Variants in HHIPL1 observed in about 807,000 individuals in gnomAD.
The protein encoded by HHIPL1 is HHIP like 1.
In HHIPL1, 43 loss-of-function variants were observed where a neutral mutation model predicts 61.8. That is an observed-to-expected ratio of 0.70 (90% CI 0.55 to 0.90). The LOEUF is 0.90. Ranked by LOEUF, HHIPL1 falls within the 40% of genes least tolerant of loss-of-function variation. The pLI, the probability that HHIPL1 is intolerant of heterozygous loss-of-function variation, is 0.00. For missense variants in HHIPL1, 1,056 were observed against 1,157.7 expected (o/e 0.91, Z 1.28); for synonymous variants, 482 against 515.8 (o/e 0.93, Z 0.89).
At chr14:99,644,086 A>C (rs1489965481), upstream of HHIPL1, among the ~76,000 whole-genome samples, 5 of 152,108 alleles carry the variant, frequency 3.3e-5, no homozygotes, top group Admixed American at 1.3e-4. Flanking sequence ...CTTACACTGC[A>C]CCTGTTCAGG....
chr14:99,619,331 G>A, the HHIPL1 span, among the ~76,000 whole-genome samples: 13 of 151,632 alleles, frequency 8.6e-5, no homozygotes, highest in South Asian at 8.4e-4. Flanking sequence ...GTGTGGTGGC[G>A]GGCACCTGTA....
Position 99,678,589 on chromosome 14 carries a change from T to C in HHIPL1, c.*2963T>C, listed in dbSNP as rs938482581. 1 of 152,220 alleles carries C rather than the reference T, an allele frequency of 6.6e-6. No homozygotes were observed. Among genetic ancestry groups the C allele is most frequent in the Non-Finnish European group, 1.5e-5 (1 of 68,040 alleles). The allele number at this position is 152,220 out of a possible 1,614,324, so 9.4% of individuals were successfully genotyped here. A position where few individuals can be genotyped will look rare whatever the true frequency, so the allele number is the denominator to read the frequency against. On this transcript the variant is annotated 3_prime_UTR_variant, in exon 9 of 9. Coordinates refer to ENST00000330710, the MANE Select transcript of HHIPL1 (RefSeq NM_001127258.3). The stretch of plus-strand genomic sequence containing the variant: ...AACCCGATTGGCTGTTTAAAATTTT[T>C]CTAAATAGGTAAAAGTAATGGAAGG...
At chr14:99,623,213 A>T in the HHIPL1 span, among the ~76,000 whole-genome samples, 1 of 152,162 alleles carries the variant, frequency 6.6e-6, no homozygotes, top group Non-Finnish European at 1.5e-5. Context: ...GTGTGATTTA[A>T]TAGGGGTGTA....
At chr14:99,647,741 G>A (rs9788497) in intron 1 of HHIPL1, among the ~76,000 whole-genome samples, 31,568 of 152,082 alleles carry the variant, frequency 0.21, 3,655 homozygotes, top group East Asian at 0.35. Flanking sequence ...ATTTCCACAC[G>A]GGGAGGTGGT....
Position 99,675,069 on chromosome 14 carries a change from G to A in HHIPL1, c.1814-22G>A. The A allele has an allele frequency of 2.6e-6, 3 of 1,136,028 alleles. No homozygotes were observed. Among genetic ancestry groups the A allele is most frequent in the Non-Finnish European group, 2.2e-6 (2 of 914,440 alleles). 70.4% of individuals were successfully genotyped at this position (1,136,028 alleles called of 1,614,324 possible). A position where few individuals can be genotyped will look rare whatever the true frequency, so the allele number is the denominator to read the frequency against. ...ACAGGGGCGCCTGGGTCCCTCTGAC[G>A]GCATACTCTTCCTCTGCGCAGAGTT... On this transcript the variant is annotated intron_variant, in intron 8 of 8. Coordinates refer to ENST00000330710, the MANE Select transcript of HHIPL1 (RefSeq NM_001127258.3). This position sits in a 1 kb window ranked among gnomAD's most constrained non-coding sequence, Gnocchi z 5.4.
At chr14:99,662,400 C>T (rs187146426) in intron 5 of HHIPL1, among the ~76,000 whole-genome samples, 1 of 152,200 alleles carries the variant, frequency 6.6e-6, no homozygotes, top group Non-Finnish European at 1.5e-5. Flanking sequence ...TTGGCAGGTT[C>T]TGAAACCAGT....
At chr14:99,617,651 T>G in the HHIPL1 span, among the ~76,000 whole-genome samples, 1 of 152,152 alleles carries the variant, frequency 6.6e-6, no homozygotes. Context: ...TAAATAGTGA[T>G]AAAACCTAGC....
chr14:99,630,513 A>G, the HHIPL1 span, among the ~76,000 whole-genome samples: 1 of 152,128 alleles, frequency 6.6e-6, no homozygotes, highest in African/African-American at 2.4e-5. Flanking sequence ...CATCTATAAG[A>G]TGGGGGTTAA....
At chr14:99,626,267 G>GGT in the HHIPL1 span, among the ~76,000 whole-genome samples, 90 of 147,574 alleles carry the variant, frequency 6.1e-4, no homozygotes, top group African/African-American at 2.2e-3. Flanking sequence ...GGTGTAGCGG[G>GGT]GTGTGTGTGT....
intron 2 of HHIPL1, among the ~76,000 whole-genome samples, chr14:99,655,481 G>A (rs894672384): frequency 1.3e-5 from 2 of 152,002 alleles, no homozygotes; most frequent in Non-Finnish European, 2.9e-5. Context: ...AAAATTGGCC[G>A]GGCATGGTGG....
chr14:99,645,124 C>A, upstream of HHIPL1: 2 of 1,195,146 alleles, frequency 1.7e-6, no homozygotes, highest in Non-Finnish European at 2.1e-6. Context: ...AAGGGGAGCG[C>A]CCGCCCCTTC....
chr14:99,667,383 C>T (rs1326209704), intron 6 of HHIPL1, among the ~76,000 whole-genome samples: 2 of 151,930 alleles, frequency 1.3e-5, no homozygotes, highest in East Asian at 1.9e-4. Context: ...TCATAGGTGC[C>T]CCTGGCAGCA....
the HHIPL1 span, among the ~76,000 whole-genome samples, chr14:99,634,960 G>A: frequency 3.3e-5 from 5 of 152,182 alleles, no homozygotes; most frequent in East Asian, 1.9e-4. Context: ...CACCCACGCC[G>A]CCTGTCAGCA....
At chr14:99,623,611 G>A in the HHIPL1 span, among the ~76,000 whole-genome samples, 48 of 152,200 alleles carry the variant, frequency 3.2e-4, no homozygotes, top group Middle Eastern at 3.4e-3. Context: ...ACAGGATCTT[G>A]CTATGTTGCC....
chr14:99,646,867 A>AATATAATATG (rs1478340795), intron 1 of HHIPL1, among the ~76,000 whole-genome samples: 940 of 92,514 alleles, frequency 0.01, 6 homozygotes, highest in South Asian at 0.039. Context: ...AATATGATAT[A>AATATAATATG]ATATGATACA....
the HHIPL1 span, chr14:99,624,788 G>A: frequency 1.3e-5 from 2 of 152,266 alleles, no homozygotes; most frequent in Non-Finnish European, 2.9e-5. Flanking sequence ...ACCATACAGA[G>A]GCCAAATTCA....
At chr14:99,642,415 C>T (rs926597138), upstream of HHIPL1, among the ~76,000 whole-genome samples, 18 of 152,206 alleles carry the variant, frequency 1.2e-4, no homozygotes, top group African/African-American at 4.3e-4. Context: ...TGAGAAGCTG[C>T]TGCTGACGCA....
In HHIPL1 at chr14:99,662,946, G is replaced by A. The variant is rs142621182; in HGVS notation, c.1573G>A (p.Gly525Ser). ...GTACAGTGAGATCTGCATGGGCCACGGCCAGACCTGTGAGTTCCCAGGCCT... is the reference window on the plus strand; with the variant it reads ...GTACAGTGAGATCTGCATGGGCCACAGCCAGACCTGTGAGTTCCCAGGCCT... ...WQYSEICMGH[G>S]QTCEFPGLIN... Residue 525 changes from glycine to serine, a missense_variant, in exon 6 of 9, where the codon GGC becomes AGC. By Grantham distance (56) the Gly-to-Ser change is moderately conservative. Transcript: ENST00000330710. The A allele has an allele frequency of 1.1e-5, 18 of 1,613,852 alleles. No homozygotes were observed. The highest frequency in any genetic ancestry group is 2.2e-5 in the East Asian group (1 of 44,888).
chr14:99,637,039 GAAAGAAA>G, the HHIPL1 span, among the ~76,000 whole-genome samples: 6 of 105,310 alleles, frequency 5.7e-5, no homozygotes, highest in Admixed American at 5.3e-4. Flanking sequence ...AAGAAAGAAA[GAAAGAAA>G]GAAGGAAGGA....
Sources: allele counts gnomAD v4.1 joint callset (sites outside exome capture counted in the v4.1 genomes callset), GRCh38; gene constraint gnomAD v4.1.1; non-coding constraint Gnocchi (gnomAD v3.1); transcripts MANE v1.5; gene names NCBI Gene and HGNC (gene_info 2026-07-23, HGNC 2026-07-21).